Variants in TRA2B observed in about 807,000 individuals in gnomAD.
TRA2B encodes the protein transformer-2 protein homolog beta.
TRA2B carries 14 observed loss-of-function variants against 41.7 expected under a neutral mutation model. The observed-to-expected ratio is 0.34, with a 90% CI of 0.22 to 0.53. TRA2B has a LOEUF of 0.53. TRA2B is among the 20% of genes least tolerant of loss of function. The pLI is 0.95. For missense variants in TRA2B, 167 were observed against 396.8 expected (o/e 0.42, Z 4.92); for synonymous variants, 130 against 128.8 (o/e 1.01, Z -0.06).
intron 6 of TRA2B, among the ~76,000 whole-genome samples, chr3:185,920,586 G>A (rs991921735): frequency 2.6e-5 from 4 of 151,406 alleles, no homozygotes; most frequent in African/African-American, 9.7e-5. Flanking sequence ...TGAGTCTCTC[G>A]CTCTGTTGCC....
In TRA2B at chr3:185,915,950, C is replaced by T. The variant is rs1171027467; in HGVS notation, c.*1765G>A. On this transcript the variant is annotated 3_prime_UTR_variant, in exon 9 of 9. Transcript: ENST00000453386. ...ATGTATCCATCCATAACACAACCCC[C>T]TCTGGGACCACACCCTAAAACTCAA... The T allele has an allele frequency of 6.6e-6, 1 of 152,168 alleles. No individual in the cohort carries two copies. Among genetic ancestry groups the T allele is most frequent in the African/African-American group, 2.4e-5 (1 of 41,434 alleles). The allele number at this position is 152,168 out of a possible 1,614,324, so 9.4% of individuals were successfully genotyped here.
chr3:185,916,321 G>C lies in TRA2B; in HGVS notation c.*1394C>G, dbSNP rs1456374223. On this transcript the variant is annotated 3_prime_UTR_variant, in exon 9 of 9. Transcript: ENST00000453386. ...CCACTTAAACAGCTATTTGAACTAA[G>C]GTAAGTTACTCTACATCATTTCATT... The C allele has an allele frequency of 6.6e-6, 1 of 152,120 alleles. No homozygotes were observed. 9.4% of individuals were successfully genotyped at this position (152,120 alleles called of 1,614,324 possible). A position where few individuals can be genotyped will look rare whatever the true frequency, so the allele number is the denominator to read the frequency against.
intron 3 of TRA2B, chr3:185,925,039 T>C (rs1046030495): frequency 1.3e-5 from 2 of 153,418 alleles, no homozygotes; most frequent in African/African-American, 4.8e-5. Context: ...TTGAAGCCTT[T>C]CATGAAATGT....
rs1471661672 is a variant in TRA2B at position 185,925,384 on chromosome 3, C to G, written c.333+80G>C. Reference sequence around the variant, plus strand: ...CACTCACGCACCAACTGCTAAAGCTCTATTGTCAAAATCAGCTCTAACTTT... The same window carrying G: ...CACTCACGCACCAACTGCTAAAGCTGTATTGTCAAAATCAGCTCTAACTTT... On this transcript the variant is annotated intron_variant, in intron 3 of 8. Coordinates refer to ENST00000453386, the MANE Select transcript of TRA2B (RefSeq NM_004593.3). The G allele has an allele frequency of 2.0e-5, 30 of 1,524,624 alleles. No individual in the cohort carries two copies. In the South Asian group the frequency reaches 3.8e-4, roughly 19 times the overall value. The allele number at this position is 1,524,624 out of a possible 1,614,324, so 94.4% of individuals were successfully genotyped here.
intron 1 of TRA2B, among the ~76,000 whole-genome samples, chr3:185,933,471 C>T (rs905546317): frequency 2.3e-4 from 35 of 152,082 alleles, no homozygotes; most frequent in African/African-American, 8.4e-4. Flanking sequence ...CCTATCAACA[C>T]AATTTTTGTT....
intron 1 of TRA2B, chr3:185,935,274 G>T: frequency 1.0e-6 from 1 of 985,384 alleles, no homozygotes; most frequent in Non-Finnish European, 1.2e-6. Flanking sequence ...AAGTGGTTTG[G>T]CCAGATCAGG....
chr3:185,921,233 C>T (rs1427142971), intron 5 of TRA2B, 46 bp from the exon 6 acceptor site: 9 of 1,569,232 alleles, frequency 5.7e-6, no homozygotes, highest in African/African-American at 2.7e-5. Context: ...TCTTTCTGGA[C>T]ATGAGTTTTT....
intron 5 of TRA2B, 123 bp downstream of exon 5, chr3:185,921,888 A>G (rs1340055809): frequency 1.6e-6 from 1 of 611,004 alleles, no homozygotes; most frequent in East Asian, 2.9e-5. Context: ...AATGAGGAGC[A>G]TTTAATCAAT....
At chr3:185,920,377 G>T (rs894981694) in intron 6 of TRA2B, among the ~76,000 whole-genome samples, 8 of 152,084 alleles carry the variant, frequency 5.3e-5, no homozygotes, top group Admixed American at 3.9e-4. Context: ...TTAAGGTGGG[G>T]TCTTGCTCTG....
At chr3:185,926,991 TGC>T in intron 1 of TRA2B, 1 of 387,490 alleles carries the variant, frequency 2.6e-6, no homozygotes, top group Non-Finnish European at 4.8e-6. Context: ...CAGAAAGGGG[TGC>T]CAAAGTCAAG....
chr3:185,933,452 GA>G (rs1253091072), intron 1 of TRA2B, among the ~76,000 whole-genome samples: 3 of 152,108 alleles, frequency 2.0e-5, no homozygotes, highest in Admixed American at 2.0e-4. Flanking sequence ...GAAATAAACA[GA>G]AACTTGTCCT....
intron 1 of TRA2B, chr3:185,928,425 T>C (rs761002576): frequency 6.6e-6 from 1 of 152,172 alleles, no homozygotes; most frequent in African/African-American, 2.4e-5. Flanking sequence ...AAGAAAAATA[T>C]ATGAACAGCT....
At chr3:185,933,429 G>C (rs1010067100) in intron 1 of TRA2B, among the ~76,000 whole-genome samples, 6 of 152,140 alleles carry the variant, frequency 3.9e-5, no homozygotes, top group African/African-American at 1.4e-4. Context: ...ATTTAGTTAA[G>C]AGACCCTAGT....
chr3:185,924,144 C>G (rs1461424150), intron 3 of TRA2B, 160 bp from the exon 4 acceptor site: 1 of 546,532 alleles, frequency 1.8e-6, no homozygotes, highest in Admixed American at 4.0e-5. Flanking sequence ...GCAAGTACTA[C>G]AAGTATTTTT....
In TRA2B at chr3:185,914,857, G is replaced by A. The variant is rs755772548; in HGVS notation, c.*2858C>T. ...AAACCAAATCTTTTTATTTCTTCTC[G>A]GTGAAACTTCTAATTCTCAATTTCT... On this transcript the variant is annotated 3_prime_UTR_variant, in exon 9 of 9. Coordinates refer to ENST00000453386, the MANE Select transcript of TRA2B (RefSeq NM_004593.3). 3.2e-4 allele frequency among the ~76,000 whole-genome samples: 48 copies of A among 151,962 alleles called. No homozygotes were observed. Among genetic ancestry groups the A allele is most frequent in the African/African-American group, 9.7e-4 (40 of 41,394 alleles).
intron 1 of TRA2B, chr3:185,934,726 AT>A: frequency 2.0e-6 from 2 of 985,114 alleles, no homozygotes; most frequent in Non-Finnish European, 2.4e-6. Flanking sequence ...ACCAAGGAAT[AT>A]AAAAAGACAT....
chr3:185,923,759 G>T, intron 4 of TRA2B, 37 bp downstream of exon 4: 1 of 1,567,750 alleles, frequency 6.4e-7, no homozygotes, highest in Non-Finnish European at 8.6e-7. Context: ...GTTAACAATA[G>T]AACTGATGGT....
Position 185,917,597 on chromosome 3 carries a change from G to T in TRA2B, c.*118C>A. 2.0e-6 allele frequency: 2 copies of T among 1,017,434 alleles called. No individual in the cohort carries two copies. The highest frequency in any genetic ancestry group is 3.0e-6 in the Non-Finnish European group (2 of 674,946). 63.0% of individuals were successfully genotyped at this position (1,017,434 alleles called of 1,614,324 possible). On this transcript the variant is annotated 3_prime_UTR_variant, in exon 9 of 9. Coordinates refer to ENST00000453386, the MANE Select transcript of TRA2B (RefSeq NM_004593.3). ...CCACCAAAAGTAGTCATCGTAAAAGGTGTAAAAGTCACCTAACTTCACTAG... is the reference window on the plus strand; with the variant it reads ...CCACCAAAAGTAGTCATCGTAAAAGTTGTAAAAGTCACCTAACTTCACTAG...
rs1743444549 is a variant in TRA2B at position 185,914,744 on chromosome 3, G to A, written c.*2971C>T. Among the ~76,000 whole-genome samples, 1 of 150,226 alleles carries A rather than the reference G, an allele frequency of 6.7e-6. No individual in the cohort carries two copies. Among genetic ancestry groups the A allele is most frequent in the Non-Finnish European group, 1.5e-5 (1 of 67,892 alleles). On this transcript the variant is annotated 3_prime_UTR_variant, in exon 9 of 9. Coordinates refer to ENST00000453386, the MANE Select transcript of TRA2B (RefSeq NM_004593.3). ...AAATCCACTGAGATGGCATGCTGAA[G>A]GAATATTGGAGGCGTGTCCACTGCT...
Sources: allele counts gnomAD v4.1 joint callset (sites outside exome capture counted in the v4.1 genomes callset), GRCh38; gene constraint gnomAD v4.1.1; transcripts MANE v1.5; gene names NCBI Gene and HGNC (gene_info 2026-07-23, HGNC 2026-07-21).